CTNND2: variants seen among roughly 807,000 people sequenced by gnomAD.
CTNND2 encodes catenin delta-2.
CTNND2 carries 22 observed loss-of-function variants against 144.4 expected under a neutral mutation model. The ratio of observed to expected loss-of-function variants is 0.15; its 90% CI spans 0.11 to 0.22. The LOEUF is 0.22. Ranked by LOEUF, CTNND2 falls within the 10% of genes least tolerant of loss-of-function variation. The pLI, the probability that CTNND2 is intolerant of heterozygous loss-of-function variation, is 1.00. For synonymous variants in CTNND2, 751 were observed against 695.6 expected, an observed-to-expected ratio of 1.08 and a Z score of -1.25; for missense variants, 1,353 against 1,618.8, an observed-to-expected ratio of 0.84 and a Z score of 2.82.
intron 12 of CTNND2, among the ~76,000 whole-genome samples, chr5:11,159,077 A>G (rs893665403): frequency 3.9e-5 from 6 of 152,212 alleles, no homozygotes; most frequent in Admixed American, 2.6e-4. Context: ...TTAATACAAC[A>G]GGCCTTATTA....
rs185459597 is a variant in CTNND2, at chr5:11,358,437, C to G, written c.1372+6259G>C. ...AAATTTCTAACTGGGTAACAACAGG[C>G]ATTTAACTTTTTAGCCTAAGAAAAG... is the stretch of plus-strand genomic sequence containing the variant. On this transcript the variant is annotated intron_variant, in intron 8 of 21. Transcript: ENST00000304623. 4.8e-3 allele frequency among the ~76,000 whole-genome samples: 734 copies of G among 152,194 alleles called. 24 individuals carry two copies. The highest frequency in any genetic ancestry group is 1.2e-3 in the Non-Finnish European group (83 of 67,990).
intron 8 of CTNND2, among the ~76,000 whole-genome samples, chr5:11,361,880 C>T (rs1030656883): frequency 2.6e-5 from 4 of 152,200 alleles, no homozygotes; most frequent in Admixed American, 6.5e-5. Context: ...AACTGGTCTT[C>T]GATCTTTCTG....
chr5:11,063,789 C>G (rs1011087825), intron 16 of CTNND2, among the ~76,000 whole-genome samples: 2 of 141,050 alleles, frequency 1.4e-5, no homozygotes, highest in African/African-American at 5.4e-5. Context: ...CAATTTAAAT[C>G]TAAAAATGTG....
chr5:11,175,004 C>G (rs998255645), intron 11 of CTNND2, among the ~76,000 whole-genome samples: 6 of 152,110 alleles, frequency 3.9e-5, no homozygotes, highest in Non-Finnish European at 5.9e-5. Context: ...TTAACTAACC[C>G]TTAGGTTAGT....
At chr5:11,422,642 C>T (rs966474153) in intron 3 of CTNND2, among the ~76,000 whole-genome samples, 2 of 151,984 alleles carry the variant, frequency 1.3e-5, no homozygotes, top group Middle Eastern at 3.2e-3. Context: ...GGAGAATTCA[C>T]ATTAAATTCT....
chr5:11,516,336 AAAAT>A (rs1177029913), intron 3 of CTNND2, among the ~76,000 whole-genome samples: 3 of 151,660 alleles, frequency 2.0e-5, no homozygotes, highest in Non-Finnish European at 1.5e-5. Flanking sequence ...GCAATTAGGC[AAAAT>A]AAATAAATAA....
intron 10 of CTNND2, among the ~76,000 whole-genome samples, chr5:11,234,093 G>A (rs934279151): frequency 1.6e-4 from 25 of 152,088 alleles, no homozygotes; most frequent in African/African-American, 5.6e-4. Context: ...CCCAAACAGT[G>A]AGAAGTGATA....
rs571696466 is a variant in CTNND2, at chr5:11,456,049, G to A, written c.288-43980C>T. ...ATTAAAGGCAGCAGAACTTTTATCCGTTTCTACAAATTAATATGTGCACTG... is the reference window on the plus strand; with the variant it reads ...ATTAAAGGCAGCAGAACTTTTATCCATTTCTACAAATTAATATGTGCACTG... On this transcript the variant is annotated intron_variant, in intron 3 of 21. Transcript: ENST00000304623. Among the ~76,000 whole-genome samples, 13 of 152,248 alleles carry A rather than the reference G, an allele frequency of 8.5e-5. No individual in the cohort carries two copies. In the South Asian group the frequency reaches 1.0e-3, roughly 12 times the overall value.
intron 14 of CTNND2, among the ~76,000 whole-genome samples, chr5:11,100,985 C>T (rs927439289): frequency 3.9e-5 from 6 of 152,130 alleles, no homozygotes; most frequent in Non-Finnish European, 8.8e-5. Context: ...CTATGTAGCT[C>T]TCAAATATCT....
chr5:11,559,494 A>G (rs1004053247), intron 3 of CTNND2, among the ~76,000 whole-genome samples: 1 of 152,180 alleles, frequency 6.6e-6, no homozygotes, highest in Non-Finnish European at 1.5e-5. Flanking sequence ...CAATAGTAAA[A>G]TGGTTGTTGT....
chr5:11,270,449 C>T (rs1047893568), intron 9 of CTNND2, among the ~76,000 whole-genome samples: 3 of 146,040 alleles, frequency 2.1e-5, no homozygotes, highest in East Asian at 3.9e-4. Context: ...TATTAGGATA[C>T]ATTCAAAGGA....
At chr5:11,292,574 A>G (rs1157902114) in intron 9 of CTNND2, among the ~76,000 whole-genome samples, 1 of 152,082 alleles carries the variant, frequency 6.6e-6, no homozygotes, top group Non-Finnish European at 1.5e-5. Flanking sequence ...TAAGTGTTTG[A>G]CAGTTCCTCC....
chr5:11,433,870 G>A (rs1443642019), intron 3 of CTNND2, among the ~76,000 whole-genome samples: 1 of 152,174 alleles, frequency 6.6e-6, no homozygotes, highest in East Asian at 1.9e-4. Flanking sequence ...ATTCAAATAG[G>A]TGGTTGTGTA....
chr5:11,203,479 G>T (rs146105306), intron 10 of CTNND2, among the ~76,000 whole-genome samples: 2,292 of 152,278 alleles, frequency 0.015, 49 homozygotes, highest in Admixed American at 0.048. Context: ...GTTGCGCTCT[G>T]TCACCCAGGC....
intron 3 of CTNND2, among the ~76,000 whole-genome samples, chr5:11,523,905 T>C (rs1390767194): frequency 1.3e-5 from 2 of 152,212 alleles, no homozygotes; most frequent in African/African-American, 4.8e-5. Flanking sequence ...TCTCCATCTA[T>C]GGCCTTCAGT....
At chr5:11,220,027 G>A (rs1014685933) in intron 10 of CTNND2, among the ~76,000 whole-genome samples, 7 of 152,166 alleles carry the variant, frequency 4.6e-5, no homozygotes, top group Non-Finnish European at 1.0e-4. Flanking sequence ...CTGAAGGGAA[G>A]CGTTCTGCTC....
At chr5:11,786,788 G>A (rs1790861322) in intron 1 of CTNND2, among the ~76,000 whole-genome samples, 1 of 152,150 alleles carries the variant, frequency 6.6e-6, no homozygotes, top group African/African-American at 2.4e-5. Context: ...TTCTCACACT[G>A]TGCTAACTAA....
intron 1 of CTNND2, among the ~76,000 whole-genome samples, chr5:11,746,879 T>A (rs1215888860): frequency 1.3e-5 from 2 of 152,196 alleles, no homozygotes; most frequent in African/African-American, 4.8e-5. Context: ...AAATGTCCTA[T>A]AACTCTTCCC....
intron 8 of CTNND2, among the ~76,000 whole-genome samples, chr5:11,356,126 G>C (rs1356892283): frequency 6.6e-6 from 1 of 151,978 alleles, no homozygotes; most frequent in East Asian, 1.9e-4. Flanking sequence ...ACTACACAAA[G>C]TGATCTACAG....
Sources: gnomAD v4.1 joint callset for allele counts (sites outside exome capture counted in the v4.1 genomes callset) on GRCh38, gnomAD v4.1.1 for gene constraint, MANE v1.5 for transcripts, NCBI Gene and HGNC (gene_info 2026-07-23, HGNC 2026-07-21) for gene names.